EIF3H: variants seen among roughly 807,000 people sequenced by gnomAD.
EIF3H encodes the protein eIF-3-gamma.
Under a neutral mutation model 44.2 loss-of-function variants are expected in EIF3H, and 26 were observed. The ratio of observed to expected loss-of-function variants is 0.59; its 90% CI spans 0.43 to 0.82. The LOEUF (loss-of-function observed/expected upper bound fraction) is 0.82. EIF3H is among the 40% of genes least tolerant of loss of function. The pLI is 0.00. For missense variants in EIF3H, 359 were observed against 432.8 expected (o/e 0.83, Z 1.51); for synonymous variants, 166 against 151.9 (o/e 1.09, Z -0.68).
At chr8:116,676,645 C>A (rs1813852532) in intron 2 of EIF3H, among the ~76,000 whole-genome samples, 1 of 152,162 alleles carries the variant, frequency 6.6e-6, no homozygotes, top group African/African-American at 2.4e-5. Flanking sequence ...CCATATCAGA[C>A]CACAAGCCTG....
intron 2 of EIF3H, among the ~76,000 whole-genome samples, chr8:116,686,433 T>C (rs910314921): frequency 1.3e-5 from 2 of 152,090 alleles, no homozygotes; most frequent in African/African-American, 4.8e-5. Context: ...GAGTCATCCA[T>C]ATTACAATAA....
chr8:116,665,533 T>G (rs759772803), intron 2 of EIF3H, among the ~76,000 whole-genome samples: 10 of 152,008 alleles, frequency 6.6e-5, no homozygotes, highest in Non-Finnish European at 1.3e-4. Flanking sequence ...GCAAATAGCT[T>G]AAAAAGCAAG....
chr8:116,706,792 G>A (rs1178951936), intron 2 of EIF3H, among the ~76,000 whole-genome samples: 1 of 152,064 alleles, frequency 6.6e-6, no homozygotes, highest in African/African-American at 2.4e-5. Context: ...TTATCTGCCC[G>A]CCTCAGCCTC....
rs541790891 is a variant in EIF3H at position 116,729,016 on chromosome 8, T to TA, written c.133-2845dup. 4.8e-4 allele frequency among the ~76,000 whole-genome samples: 73 copies of TA among 152,214 alleles called. 1 individual carries two copies. In the South Asian group the frequency reaches 0.014, roughly 29 times the overall value. ...TGCCAAGAAAAATTATTTCTACACT[T>TA]AAAAAATAGAACAAATACAGGTGAT... On this transcript the variant is annotated intron_variant, in intron 1 of 7. Transcript: ENST00000521861.
At chr8:116,732,488 A>G (rs1438311564) in intron 1 of EIF3H, among the ~76,000 whole-genome samples, 5 of 152,194 alleles carry the variant, frequency 3.3e-5, no homozygotes, top group Admixed American at 1.3e-4. Flanking sequence ...CAGTTCCATG[A>G]CAGGGAACAG....
At chr8:116,727,800 TG>T (rs1814874059) in intron 1 of EIF3H, among the ~76,000 whole-genome samples, 3 of 152,236 alleles carry the variant, frequency 2.0e-5, no homozygotes, top group African/African-American at 7.2e-5. Flanking sequence ...TGGCTCTCCC[TG>T]TCATAATTCT....
At chr8:116,662,101 C>T (rs1434011975) in intron 2 of EIF3H, among the ~76,000 whole-genome samples, 2 of 152,074 alleles carry the variant, frequency 1.3e-5, no homozygotes, top group Non-Finnish European at 2.9e-5. Flanking sequence ...AATAAAGAGG[C>T]TAAAGAGCAA....
chr8:116,652,216 A>T (rs528121034), intron 5 of EIF3H, among the ~76,000 whole-genome samples: 7 of 152,346 alleles, frequency 4.6e-5, no homozygotes, highest in Admixed American at 6.5e-5. Flanking sequence ...AACATATTAC[A>T]TGCTGAAGAG....
chr8:116,740,850 C>T (rs1012442518), intron 1 of EIF3H, among the ~76,000 whole-genome samples: 3 of 152,044 alleles, frequency 2.0e-5, no homozygotes, highest in African/African-American at 7.2e-5. Context: ...GAGTGCCAGC[C>T]CTGCGGCCTT....
intron 2 of EIF3H, among the ~76,000 whole-genome samples, chr8:116,694,451 T>G (rs1339427888): frequency 6.6e-6 from 1 of 150,498 alleles, no homozygotes; most frequent in Non-Finnish European, 1.5e-5. Flanking sequence ...CTGGTCTGTT[T>G]GTTTGTTTTC....
chr8:116,674,782 C>T (rs1486441302), intron 2 of EIF3H, among the ~76,000 whole-genome samples: 1 of 152,018 alleles, frequency 6.6e-6, no homozygotes, highest in Non-Finnish European at 1.5e-5. Context: ...TCATAAAGCC[C>T]AAGACTCTAC....
chr8:116,652,468 A>G (rs546031794), intron 5 of EIF3H, among the ~76,000 whole-genome samples: 1 of 152,276 alleles, frequency 6.6e-6, no homozygotes, highest in East Asian at 1.9e-4. Context: ...TATTCTTTTC[A>G]TAAGTTTTTC....
At chr8:116,650,667 A>G (rs977477365) in intron 5 of EIF3H, among the ~76,000 whole-genome samples, 1 of 151,880 alleles carries the variant, frequency 6.6e-6, no homozygotes, top group Non-Finnish European at 1.5e-5. Flanking sequence ...TTATTGTAGG[A>G]CTCTTTTCTT....
At chr8:116,696,484 G>A (rs1814270799) in intron 2 of EIF3H, among the ~76,000 whole-genome samples, 1 of 152,094 alleles carries the variant, frequency 6.6e-6, no homozygotes, top group African/African-American at 2.4e-5. Flanking sequence ...ACTTGGGAAT[G>A]GTTCTTTCCT....
intron 1 of EIF3H, among the ~76,000 whole-genome samples, chr8:116,733,489 C>G (rs1814984068): frequency 6.6e-6 from 1 of 151,982 alleles, no homozygotes; most frequent in Non-Finnish European, 1.5e-5. Flanking sequence ...AAAGAAAAAG[C>G]ATTATGAATA....
intron 1 of EIF3H, among the ~76,000 whole-genome samples, chr8:116,749,743 A>T (rs1815296172): frequency 6.6e-6 from 1 of 152,172 alleles, no homozygotes; most frequent in Non-Finnish European, 1.5e-5. Flanking sequence ...ATTTTTGAAC[A>T]GCTTTACGAC....
At chr8:116,691,394 G>A (rs1328356464) in intron 2 of EIF3H, among the ~76,000 whole-genome samples, 1 of 152,080 alleles carries the variant, frequency 6.6e-6, no homozygotes, top group Non-Finnish European at 1.5e-5. Context: ...TGTCTAAAAA[G>A]CCCCAAGACA....
chr8:116,726,281 T>C (rs752521595), intron 1 of EIF3H, 109 bp from the exon 2 acceptor site: 3 of 1,174,964 alleles, frequency 2.6e-6, no homozygotes, highest in Non-Finnish European at 3.5e-6. Flanking sequence ...AAACCACAAA[T>C]TAAATAAGAG....
Position 116,743,798 on chromosome 8 carries a change from AAACACACACACAC to A in EIF3H, c.132+11855_132+11867del, listed in dbSNP as rs1815179525. On this transcript the variant is annotated intron_variant, in intron 1 of 7. Transcript: ENST00000521861. ...TATATATATATATATATATATATAT[AAACACACACACAC>A]ACACACACACACACACACACACACA... Among the ~76,000 whole-genome samples the A allele has an allele frequency of 4.3e-3, 340 of 79,680 alleles. 2 individuals carry two copies. The highest frequency in any genetic ancestry group is 0.012 in the African/African-American group (275 of 22,306). 52.3% of individuals were successfully genotyped at this position (79,680 alleles called of 152,430 possible).
Sources: gnomAD v4.1 joint callset for allele counts (sites outside exome capture counted in the v4.1 genomes callset) on GRCh38, gnomAD v4.1.1 for gene constraint, MANE v1.5 for transcripts, NCBI Gene and HGNC (gene_info 2026-07-23, HGNC 2026-07-21) for gene names.